Variants in MGAT4A observed in about 807,000 individuals in gnomAD.
MGAT4A encodes the protein alpha-1,3-mannosyl-glycoprotein 4-beta-N-acetylglucosaminyltransferase A.
A neutral mutation model predicts 74.1 loss-of-function variants in MGAT4A; 33 were observed. That is an observed-to-expected ratio of 0.45 (90% CI 0.34 to 0.60). The LOEUF (loss-of-function observed/expected upper bound fraction) is 0.60, where lower values mean the gene tolerates loss of function less well. MGAT4A is among the 20% of genes least tolerant of loss of function. The pLI is 0.02. For synonymous variants in MGAT4A, 198 were observed against 210.4 expected (o/e 0.94, Z 0.51); for missense variants, 479 against 628.3 (o/e 0.76, Z 2.54).
At chr2:98,635,097 C>A in intron 14 of MGAT4A, 125 bp downstream of exon 14, 1 of 678,580 alleles carries the variant, frequency 1.5e-6, no homozygotes, top group Non-Finnish European at 2.5e-6. Flanking sequence ...CAACACAGCA[C>A]ACATAAAACC....
At chr2:98,688,427 C>G (rs145751878) in intron 2 of MGAT4A, among the ~76,000 whole-genome samples, 1 of 152,274 alleles carries the variant, frequency 6.6e-6, no homozygotes, top group East Asian at 1.9e-4. Flanking sequence ...GACACAATGA[C>G]TTGCTTCTAA....
intron 2 of MGAT4A, among the ~76,000 whole-genome samples, chr2:98,707,325 C>T (rs1469674060): frequency 6.6e-6 from 1 of 152,144 alleles, no homozygotes; most frequent in Non-Finnish European, 1.5e-5. Flanking sequence ...GGGTGGCATG[C>T]AGGCATGGCC....
chr2:98,627,564 C>A (rs765646796), intron 14 of MGAT4A, among the ~76,000 whole-genome samples: 1 of 152,106 alleles, frequency 6.6e-6, no homozygotes, highest in South Asian at 2.1e-4. Flanking sequence ...TTATTAGAGA[C>A]GGGGTTTCAC....
At chr2:98,685,976 C>A (rs1178660197) in intron 2 of MGAT4A, among the ~76,000 whole-genome samples, 1 of 152,202 alleles carries the variant, frequency 6.6e-6, no homozygotes, top group Non-Finnish European at 1.5e-5. Context: ...TCTCCTCTCC[C>A]TTCCTCTGGC....
At chr2:98,712,823 T>C (rs971652534) in intron 2 of MGAT4A, among the ~76,000 whole-genome samples, 1 of 152,214 alleles carries the variant, frequency 6.6e-6, no homozygotes, top group African/African-American at 2.4e-5. Context: ...TTTAAGTTAC[T>C]TTCTAGCTTC....
Position 98,639,964 on chromosome 2 carries a change from T to C in MGAT4A, c.1166A>G (p.His389Arg). ...AGATACCTCCGCAGGTGGGTTTACATGGATTTTAAGAAGTAATGGTTTCAT... is the reference window on the plus strand; with the variant it reads ...AGATACCTCCGCAGGTGGGTTTACACGGATTTTAAGAAGTAATGGTTTCAT... ...DYMKPLLLKIHVNPPAEVSTS... is the reference protein window; with the variant it reads ...DYMKPLLLKIRVNPPAEVSTS... Residue 389 changes from histidine (H) to arginine (R), a missense_variant, in exon 12 of 16, where the codon CAT becomes CGT. Around this residue, in one of 3 missense-constraint regions of MGAT4A, gnomAD observed 236 missense variants for 308.2 expected, o/e 0.77. Transcript: ENST00000393487. The C allele has an allele frequency of 5.0e-6, 8 of 1,613,930 alleles. No individual in the cohort carries two copies. Among genetic ancestry groups the C allele is most frequent in the Non-Finnish European group, 6.8e-6 (8 of 1,179,932 alleles).
intron 4 of MGAT4A, among the ~76,000 whole-genome samples, chr2:98,664,196 A>T (rs1701792452): frequency 1.1e-5 from 1 of 90,848 alleles, no homozygotes; most frequent in African/African-American, 5.4e-5. Flanking sequence ...GCAAGATTCC[A>T]TCTCAAAAAA....
chr2:98,656,443 C>T lies in MGAT4A; in HGVS notation c.607G>A (p.Gly203Ser). The T allele has an allele frequency of 6.2e-7, 1 of 1,605,704 alleles. No homozygotes were observed. The highest frequency in any genetic ancestry group is 1.3e-5 in the African/African-American group (1 of 74,532). ...EKEFSKEISSGLVEVISPPES... is the reference protein window; with the variant it reads ...EKEFSKEISSSLVEVISPPES... ...GGGGGTGATATGACTTCCACCAAGC[C>T]AGAACTGATTTCTTTAGAAAATCTA... The change falls in exon 7 of 16, where the codon GGC becomes AGC. Residue 203 changes from glycine (G) to serine (S), a missense_variant. Coordinates refer to ENST00000393487, the MANE Select transcript of MGAT4A (RefSeq NM_012214.3).
In MGAT4A at chr2:98,639,862, G is replaced by A. The variant is rs1277880511; in HGVS notation, c.1268C>T (p.Pro423Leu). ...MGEDFFWAIT[P>L]IAGDYILFKF... Reference sequence around the variant, plus strand: ...AAACAAGATGTAGTCTCCAGCTATCGGTGTGATAGCCCAGAAGAAATCCTC... The same window carrying A: ...AAACAAGATGTAGTCTCCAGCTATCAGTGTGATAGCCCAGAAGAAATCCTC... Residue 423 changes from proline (P) to leucine (L), a missense_variant, in exon 12 of 16, where the codon CCG becomes CTG. By Grantham distance (98) the Pro-to-Leu change is moderately conservative. This residue lies in a region of MGAT4A where 236 missense variants were observed against 308.2 expected (regional missense o/e 0.77). Coordinates refer to ENST00000393487, the MANE Select transcript of MGAT4A (RefSeq NM_012214.3). 11 of 1,613,872 alleles carry A rather than the reference G, an allele frequency of 6.8e-6. No individual in the cohort carries two copies. The highest frequency in any genetic ancestry group is 6.8e-6 in the Non-Finnish European group (8 of 1,179,846).
At chr2:98,695,371 TG>T in intron 2 of MGAT4A, 1 of 213,712 alleles carries the variant, frequency 4.7e-6, no homozygotes, top group Non-Finnish European at 1.1e-5. Flanking sequence ...CTGCAGAACC[TG>T]ATACACTGAA....
intron 2 of MGAT4A, among the ~76,000 whole-genome samples, chr2:98,705,877 G>A (rs976134365): frequency 8.0e-5 from 12 of 150,088 alleles, no homozygotes; most frequent in African/African-American, 3.0e-4. Context: ...GGGAAGCGGA[G>A]CTTGCAGTGA....
chr2:98,705,850 G>A (rs887657571), intron 2 of MGAT4A, among the ~76,000 whole-genome samples: 60 of 150,868 alleles, frequency 4.0e-4, no homozygotes, highest in African/African-American at 1.3e-3. Flanking sequence ...GCTGAGGCAG[G>A]AGAATGGCGT....
chr2:98,712,775 A>G (rs1228064417), intron 2 of MGAT4A, among the ~76,000 whole-genome samples: 2 of 152,242 alleles, frequency 1.3e-5, no homozygotes, highest in East Asian at 3.8e-4. Flanking sequence ...TTTAAGCTGG[A>G]AACAAACTTT....
intron 6 of MGAT4A, among the ~76,000 whole-genome samples, chr2:98,657,185 C>A (rs1701672550): frequency 6.6e-6 from 1 of 152,202 alleles, no homozygotes; most frequent in African/African-American, 2.4e-5. Flanking sequence ...ATTGCAATTT[C>A]TTTTGCATTT....
chr2:98,670,233 G>A (rs765104146), intron 4 of MGAT4A, among the ~76,000 whole-genome samples: 4 of 152,142 alleles, frequency 2.6e-5, no homozygotes, highest in South Asian at 2.1e-4. Flanking sequence ...CAGAGCCAAC[G>A]GGTTGGGCTA....
intron 2 of MGAT4A, among the ~76,000 whole-genome samples, chr2:98,710,962 T>C (rs1452617559): frequency 6.6e-6 from 1 of 151,500 alleles, no homozygotes; most frequent in Admixed American, 6.6e-5. Context: ...GGGAGGAAGA[T>C]AAGCACAGTG....
At chr2:98,672,626 CCTT>C (rs748457748) in intron 4 of MGAT4A, among the ~76,000 whole-genome samples, 1 of 152,174 alleles carries the variant, frequency 6.6e-6, no homozygotes, top group African/African-American at 2.4e-5. Flanking sequence ...TTTGTTCACT[CCTT>C]CTGAAATGAC....
At chr2:98,638,266 A>G (rs561297391) in intron 12 of MGAT4A, among the ~76,000 whole-genome samples, 22 of 152,318 alleles carry the variant, frequency 1.4e-4, no homozygotes, top group African/African-American at 5.1e-4. Flanking sequence ...TTTTTCAAAA[A>G]ATCCTTCTAT....
At chr2:98,709,170 T>C (rs1702480691) in intron 2 of MGAT4A, among the ~76,000 whole-genome samples, 1 of 152,182 alleles carries the variant, frequency 6.6e-6, no homozygotes. Flanking sequence ...AGAGCTGTAG[T>C]GTGGACTAAA....
Sources: gnomAD v4.1 joint callset for allele counts (sites outside exome capture counted in the v4.1 genomes callset) on GRCh38, gnomAD v4.1.1 for gene constraint, gnomAD v4.1.1 regional missense constraint, MANE v1.5 for transcripts, NCBI Gene and HGNC (gene_info 2026-07-23, HGNC 2026-07-21) for gene names.